Variants in SPRY3 observed in about 807,000 individuals in gnomAD.
SPRY3 encodes the protein sprouty RTK signaling antagonist 3.
In SPRY3, 15 loss-of-function variants were observed where a neutral mutation model predicts 20.2. The ratio of observed to expected loss-of-function variants is 0.74; its 90% CI spans 0.50 to 1.14. The LOEUF (loss-of-function observed/expected upper bound fraction) is 1.14. Among genes scored for constraint, SPRY3 ranks in the 50% most tolerant of loss-of-function variants. The probability of loss-of-function intolerance (pLI) is 0.00; values close to 1 mark genes in which losing one functional copy is unlikely to be tolerated. For synonymous variants in SPRY3, 143 were observed against 136.5 expected (o/e 1.05, Z -0.33); for missense variants, 364 against 363.9 (o/e 1.00, Z 0.00).
chrX:155,619,397 A>G (rs191545937), intron 1 of SPRY3, among the ~76,000 whole-genome samples: 17 of 110,338 alleles, frequency 1.5e-4, no homozygotes, highest in African/African-American at 5.2e-4. Context: ...CTAAGTGTCT[A>G]TCCTTCAGCC....
chrX:155,679,334 G>T (rs1307104406), intron 2 of SPRY3, among the ~76,000 whole-genome samples: 2 of 110,972 alleles, frequency 1.8e-5, no homozygotes, highest in Non-Finnish European at 3.8e-5. Flanking sequence ...GAAATGTATT[G>T]CTCACAGGTT....
chrX:155,685,875 C>T (rs2124570307), intron 2 of SPRY3, among the ~76,000 whole-genome samples: 1 of 111,342 alleles, frequency 9.0e-6, no homozygotes, highest in East Asian at 2.8e-4. Flanking sequence ...TCAAGCGATT[C>T]TCCTGTGTTA....
chrX:155,699,327 C>T (rs1311675758), intron 2 of SPRY3, among the ~76,000 whole-genome samples: 2 of 111,520 alleles, frequency 1.8e-5, no homozygotes, highest in Non-Finnish European at 3.8e-5. Flanking sequence ...CAACAAGAAC[C>T]TTGTAAGAAG....
At chrX:155,686,052 G>A (rs953684900) in intron 2 of SPRY3, among the ~76,000 whole-genome samples, 1 of 111,518 alleles carries the variant, frequency 9.0e-6, no homozygotes, top group African/African-American at 3.3e-5. Flanking sequence ...GGGATTATAG[G>A]CGTGCACCAC....
chrX:155,632,491 ACAT>A (rs1456627425), intron 1 of SPRY3, among the ~76,000 whole-genome samples: 13 of 111,728 alleles, frequency 1.2e-4, no homozygotes, highest in Non-Finnish European at 2.4e-4. Context: ...CATGCTTGTG[ACAT>A]CAGCCAGCAG....
chrX:155,760,934 C>A (rs2091301676), intron 2 of SPRY3, among the ~76,000 whole-genome samples: 1 of 152,104 alleles, frequency 6.6e-6, no homozygotes, highest in African/African-American at 2.4e-5. Flanking sequence ...TCCAAAATGT[C>A]AATCCTTATA....
intron 2 of SPRY3, among the ~76,000 whole-genome samples, chrX:155,738,253 G>C (rs1463798839): frequency 6.6e-6 from 1 of 151,714 alleles, no homozygotes; most frequent in Non-Finnish European, 1.5e-5. Context: ...GAAAAAACAA[G>C]GTGCAGACTG....
intron 2 of SPRY3, among the ~76,000 whole-genome samples, chrX:155,684,305 G>C (rs144184728): frequency 9.0e-6 from 1 of 111,247 alleles, no homozygotes; most frequent in East Asian, 2.8e-4. Flanking sequence ...AGAAATCAGA[G>C]AAGGCCAAGG....
chrX:155,704,101 C>A (rs2090930741), intron 2 of SPRY3, among the ~76,000 whole-genome samples: 4 of 151,636 alleles, frequency 2.6e-5, no homozygotes, highest in Admixed American at 2.6e-4. Flanking sequence ...CAACTTTCCA[C>A]AAAATATTAT....
intron 2 of SPRY3, among the ~76,000 whole-genome samples, chrX:155,753,182 C>T (rs2091270805): frequency 6.6e-6 from 1 of 151,866 alleles, no homozygotes; most frequent in Non-Finnish European, 1.5e-5. Flanking sequence ...GTACAACTAT[C>T]ACCACTATCT....
At position 155,728,129 on chromosome X, in the gene SPRY3, G is replaced by A. The variant is rs770733375; in HGVS notation, c.-281-39833G>A. Reference sequence around the variant, plus strand: ...TGCCTGGGTATCACCAGTGGAGGCTGCAGAACAGCAAATATTGCAGAACAG... The same window carrying A: ...TGCCTGGGTATCACCAGTGGAGGCTACAGAACAGCAAATATTGCAGAACAG... On this transcript the variant is annotated intron_variant, in intron 2 of 3. Transcript: ENST00000675360. 5.3e-5 allele frequency among the ~76,000 whole-genome samples: 8 copies of A among 152,292 alleles called. No homozygotes were observed. In the South Asian group the frequency reaches 1.5e-3, roughly 28 times the overall value.
intron 2 of SPRY3, among the ~76,000 whole-genome samples, chrX:155,765,132 G>T (rs1224426182): frequency 1.3e-5 from 2 of 152,060 alleles, no homozygotes. Context: ...TTATCATATT[G>T]GTAGATAGGT....
chrX:155,748,538 G>C (rs894642555), intron 2 of SPRY3, among the ~76,000 whole-genome samples: 2 of 151,762 alleles, frequency 1.3e-5, no homozygotes, highest in African/African-American at 4.8e-5. Flanking sequence ...TAGGATGATA[G>C]ATAGTATATT....
intron 2 of SPRY3, 92 bp from the exon 2 acceptor site, chrX:155,767,870 G>C (rs1388245647): frequency 6.5e-6 from 1 of 153,344 alleles, no homozygotes; most frequent in African/African-American, 2.4e-5. Context: ...CAAAGTATAT[G>C]CCACTACAGG....
intron 1 of SPRY3, among the ~76,000 whole-genome samples, chrX:155,631,281 C>A (rs2067905644): frequency 8.9e-6 from 1 of 112,347 alleles, no homozygotes; most frequent in Admixed American, 9.4e-5. Flanking sequence ...TAATTTCATT[C>A]TTCAATATGG....
chrX:155,658,642 G>T (rs782806876), intron 2 of SPRY3, among the ~76,000 whole-genome samples: 25 of 111,473 alleles, frequency 2.2e-4, no homozygotes, highest in Admixed American at 2.9e-4. Flanking sequence ...GAGATAATTT[G>T]ACTTCCTCTC....
At chrX:155,767,914 GTTTTGTT>G (rs751843977) in intron 2 of SPRY3, 41 bp from the exon 2 acceptor site, 13,168 of 149,102 alleles carry the variant, frequency 0.088, 800 homozygotes, top group Non-Finnish European at 0.12. Flanking sequence ...TTTTTGTTTT[GTTTTGTT>G]TTGTTTTGTT....
chrX:155,678,877 A>T (rs1038808145), intron 2 of SPRY3, among the ~76,000 whole-genome samples: 2 of 111,993 alleles, frequency 1.8e-5, no homozygotes, highest in Non-Finnish European at 3.8e-5. Flanking sequence ...TTACACTCTG[A>T]TCAGTCTTGA....
At chrX:155,742,593 G>A (rs1345718392) in intron 2 of SPRY3, among the ~76,000 whole-genome samples, 1 of 152,142 alleles carries the variant, frequency 6.6e-6, no homozygotes, top group Non-Finnish European at 1.5e-5. Flanking sequence ...ATAATTGTAA[G>A]TAAAACACTC....
Sources: allele counts gnomAD v4.1 joint callset (sites outside exome capture counted in the v4.1 genomes callset), GRCh38; gene constraint gnomAD v4.1.1; transcripts MANE v1.5; gene names NCBI Gene and HGNC (gene_info 2026-07-23, HGNC 2026-07-21).